Variants in CPA6 observed in about 807,000 individuals in gnomAD.
The protein encoded by CPA6 is carboxypeptidase B.
Under a neutral mutation model 63.3 loss-of-function variants are expected in CPA6, and 58 were observed. That is an observed-to-expected ratio of 0.92 (90% CI 0.74 to 1.14). The LOEUF (loss-of-function observed/expected upper bound fraction) is 1.14. Among genes scored for constraint, CPA6 ranks in the 50% most tolerant of loss-of-function variants. The pLI, the probability that CPA6 is intolerant of heterozygous loss-of-function variation, is 0.00. For synonymous variants in CPA6, 185 were observed against 179.0 expected, an observed-to-expected ratio of 1.03 and a Z score of -0.27; for missense variants, 565 against 526.6, an observed-to-expected ratio of 1.07 and a Z score of -0.71.
rs117457835 is a variant in CPA6, at chr8:67,560,006, C to T, written c.193-41959G>A. On this transcript the variant is annotated intron_variant, in intron 2 of 10. Coordinates refer to ENST00000297770, the MANE Select transcript of CPA6 (RefSeq NM_020361.5). ...CTGGAAAAAGCCCTTACTCAACAGACGTCAAATCTGTTGGCACCTTGATCT... is the reference window on the plus strand; with the variant it reads ...CTGGAAAAAGCCCTTACTCAACAGATGTCAAATCTGTTGGCACCTTGATCT... Among the ~76,000 whole-genome samples the T allele has an allele frequency of 7.7e-4, 117 of 152,032 alleles. 1 individual carries two copies. In the East Asian group the frequency reaches 0.016, roughly 20 times the overall value.
intron 1 of CPA6, among the ~76,000 whole-genome samples, chr8:67,678,225 T>TCACACACACA (rs200034998): frequency 0.084 from 11,917 of 142,272 alleles, 562 homozygotes; most frequent in South Asian, 0.12. Context: ...TAAAACTCTG[T>TCACACACACA]CTCACACACA....
At chr8:67,605,381 G>A (rs1332034115) in intron 2 of CPA6, among the ~76,000 whole-genome samples, 2 of 152,056 alleles carry the variant, frequency 1.3e-5, no homozygotes, top group African/African-American at 4.8e-5. Context: ...TCAAGTTCCT[G>A]ATATAAAATG....
intron 1 of CPA6, among the ~76,000 whole-genome samples, chr8:67,685,491 C>G (rs181714954): frequency 6.6e-6 from 1 of 152,096 alleles, no homozygotes; most frequent in East Asian, 1.9e-4. Flanking sequence ...TGGTGGCGGG[C>G]GCCTGTAGTT....
intron 2 of CPA6, among the ~76,000 whole-genome samples, chr8:67,564,119 G>A (rs1813279708): frequency 6.6e-6 from 1 of 152,182 alleles, no homozygotes; most frequent in Non-Finnish European, 1.5e-5. Flanking sequence ...CATGATAGGT[G>A]CTTAGCATTG....
chr8:67,642,797 A>T (rs956152702), intron 1 of CPA6, among the ~76,000 whole-genome samples: 1 of 147,834 alleles, frequency 6.8e-6, no homozygotes, highest in Non-Finnish European at 1.5e-5. Flanking sequence ...TTTATCTCAC[A>T]CACACACACA....
rs544651019 is a variant in CPA6, at chr8:67,542,423, T to A, written c.193-24376A>T. On this transcript the variant is annotated intron_variant, in intron 2 of 10. Coordinates refer to ENST00000297770, the MANE Select transcript of CPA6 (RefSeq NM_020361.5). The stretch of plus-strand genomic sequence containing the variant: ...GGTTAAGTCTTCCACCAGTTTTAGA[T>A]GAAAATTCACTTATTTGGCTGCAGA... 3.3e-5 allele frequency among the ~76,000 whole-genome samples: 5 copies of A among 152,316 alleles called. No individual in the cohort carries two copies. In the South Asian group the frequency reaches 1.0e-3, roughly 32 times the overall value.
chr8:67,521,851 A>G (rs747684086), intron 2 of CPA6, among the ~76,000 whole-genome samples: 5 of 152,198 alleles, frequency 3.3e-5, no homozygotes, highest in East Asian at 1.9e-4. Flanking sequence ...CTGACTCCCT[A>G]CGATCTGATC....
intron 2 of CPA6, among the ~76,000 whole-genome samples, chr8:67,553,633 T>C (rs1393422872): frequency 6.6e-6 from 1 of 152,126 alleles, no homozygotes; most frequent in African/African-American, 2.4e-5. Context: ...GTGGAAAAAA[T>C]AATCATTTTC....
chr8:67,472,375 TTTTTA>T lies in CPA6; in HGVS notation c.838+11388_838+11392del, dbSNP rs1042918150. ...CTAAGTTATTTGTAAAAGATTTATT[TTTTTA>T]TTTTATTTTATTTTATTTTATTTTA... On this transcript the variant is annotated intron_variant, in intron 8 of 10. Coordinates refer to ENST00000297770, the MANE Select transcript of CPA6 (RefSeq NM_020361.5). Among the ~76,000 whole-genome samples the T allele has an allele frequency of 4.4e-3, 304 of 68,972 alleles. 5 individuals are homozygous for T. The highest frequency in any genetic ancestry group is 0.011 in the Middle Eastern group (1 of 94). 45.2% of individuals were successfully genotyped at this position (68,972 alleles called of 152,430 possible). A position where few individuals can be genotyped will look rare whatever the true frequency, so the allele number is the denominator to read the frequency against.
intron 6 of CPA6, among the ~76,000 whole-genome samples, chr8:67,485,468 G>A (rs1278080088): frequency 3.3e-5 from 5 of 152,056 alleles, no homozygotes; most frequent in Non-Finnish European, 5.9e-5. Context: ...GTGTGTATGC[G>A]TTAACATTAT....
chr8:67,449,549 T>A (rs1311603761), intron 8 of CPA6, among the ~76,000 whole-genome samples: 1 of 152,210 alleles, frequency 6.6e-6, no homozygotes, highest in Non-Finnish European at 1.5e-5. Flanking sequence ...ATTCAATTTG[T>A]ACTGATTTGG....
At chr8:67,663,787 G>C (rs1234157202) in intron 1 of CPA6, among the ~76,000 whole-genome samples, 3 of 152,064 alleles carry the variant, frequency 2.0e-5, no homozygotes, top group Non-Finnish European at 4.4e-5. Flanking sequence ...TGGGCATTTG[G>C]GTTGATTCCA....
At chr8:67,609,962 C>T (rs1814760663) in intron 2 of CPA6, among the ~76,000 whole-genome samples, 1 of 152,184 alleles carries the variant, frequency 6.6e-6, no homozygotes, top group African/African-American at 2.4e-5. Flanking sequence ...GTGGAGGTTG[C>T]AGTGAGCCAA....
intron 2 of CPA6, among the ~76,000 whole-genome samples, chr8:67,543,407 C>T (rs1241508851): frequency 6.6e-6 from 1 of 152,222 alleles, no homozygotes; most frequent in African/African-American, 2.4e-5. Context: ...GCAGCAGACA[C>T]ATAATTCTTT....
chr8:67,588,937 T>C (rs1039959906), intron 2 of CPA6, among the ~76,000 whole-genome samples: 2 of 152,084 alleles, frequency 1.3e-5, no homozygotes, highest in East Asian at 1.9e-4. Context: ...GCCAATATGG[T>C]GAAACCCTGT....
intron 2 of CPA6, 112 bp from the exon 3 acceptor site, chr8:67,518,159 G>T: frequency 1.9e-6 from 2 of 1,026,062 alleles, no homozygotes; most frequent in Non-Finnish European, 2.7e-6. Context: ...AACATATTTT[G>T]GAATTAGACT....
At chr8:67,487,589 A>G (rs187456167) in intron 6 of CPA6, among the ~76,000 whole-genome samples, 60 of 152,352 alleles carry the variant, frequency 3.9e-4, no homozygotes, top group Middle Eastern at 6.8e-3. Context: ...CCACTGGGTC[A>G]AATGGTATTT....
chr8:67,519,113 T>G (rs956516891), intron 2 of CPA6, among the ~76,000 whole-genome samples: 1 of 152,084 alleles, frequency 6.6e-6, no homozygotes, highest in African/African-American at 2.4e-5. Context: ...CCTCCCCCTT[T>G]GTAGTAATTC....
intron 8 of CPA6, 75 bp from the exon 9 acceptor site, chr8:67,434,315 G>A: frequency 8.6e-7 from 1 of 1,168,988 alleles, no homozygotes; most frequent in Non-Finnish European, 1.2e-6. Context: ...GCACTGTTAA[G>A]CTGTGATTTT....
Sources: gnomAD v4.1 joint callset for allele counts (sites outside exome capture counted in the v4.1 genomes callset) on GRCh38, gnomAD v4.1.1 for gene constraint, MANE v1.5 for transcripts, NCBI Gene and HGNC (gene_info 2026-07-23, HGNC 2026-07-21) for gene names.